Variants in EIF3CL observed in about 807,000 individuals in gnomAD.
EIF3CL encodes eukaryotic translation initiation factor 3 subunit C like, also known as eukaryotic translation initiation factor 3 subunit C-like protein.
For missense variants in EIF3CL, 5 were observed against 56.1 expected, an observed-to-expected ratio of 0.09 and a Z score of 2.91; for synonymous variants, 2 against 19.6, an observed-to-expected ratio of 0.10 and a Z score of 2.37.
chr16:28,422,628 T>C, the EIF3CL span, among the ~76,000 whole-genome samples: 2 of 141,754 alleles, frequency 1.4e-5, no homozygotes, highest in Non-Finnish European at 3.1e-5. Flanking sequence ...AGGTCAGGAG[T>C]TCGAGACCAG....
At chr16:28,415,810 C>T in the EIF3CL span, among the ~76,000 whole-genome samples, 4 of 76,470 alleles carry the variant, frequency 5.2e-5, 1 homozygote, top group South Asian at 3.2e-4. Flanking sequence ...CTCTCCCTCT[C>T]CCTCTTCCTC....
the EIF3CL span, among the ~76,000 whole-genome samples, chr16:28,417,188 G>A: frequency 1.2e-4 from 17 of 146,652 alleles, no homozygotes; most frequent in Admixed American, 2.0e-4. Context: ...CCGGGAGGGA[G>A]GTGGGGGGGG....
the EIF3CL span, chr16:28,413,989 C>CA: frequency 2.2e-6 from 1 of 456,116 alleles, no homozygotes; most frequent in African/African-American, 3.3e-5. Flanking sequence ...CTGGAGGTGT[C>CA]AGAGGGTGCC....
chr16:28,417,055 G>A, the EIF3CL span, among the ~76,000 whole-genome samples: 1 of 196 alleles, frequency 5.1e-3, no homozygotes, highest in African/African-American at 0.022. Flanking sequence ...GCCCCGCCCG[G>A]GAGGTGAGGG....
the EIF3CL span, among the ~76,000 whole-genome samples, chr16:28,418,928 C>G: frequency 1.4e-5 from 2 of 147,416 alleles, no homozygotes; most frequent in Admixed American, 1.4e-4. Flanking sequence ...CCCCACCTGG[C>G]CCCTTGCAAG....
At chr16:28,393,186 GTTAAA>G (rs2045647901) in intron 8 of EIF3CL, among the ~76,000 whole-genome samples, 1 of 39,080 alleles carries the variant, frequency 2.6e-5, no homozygotes. Context: ...AAGTTTACCA[GTTAAA>G]TTAAGTCTTC....
intron 2 of EIF3CL, among the ~76,000 whole-genome samples, chr16:28,403,316 T>C (rs1057501267): frequency 1.7e-5 from 1 of 59,392 alleles, no homozygotes; most frequent in African/African-American, 5.5e-5. Flanking sequence ...TTCTATCCCT[T>C]GTGCCTGGTG....
At chr16:28,417,180 G>A in the EIF3CL span, among the ~76,000 whole-genome samples, 6,030 of 142,308 alleles carry the variant, frequency 0.042, 15 homozygotes, top group African/African-American at 0.16. Context: ...CGCCCCGTCC[G>A]GGAGGGAGGT....
chr16:28,418,841 G>T, the EIF3CL span, among the ~76,000 whole-genome samples: 2 of 140,898 alleles, frequency 1.4e-5, no homozygotes, highest in Non-Finnish European at 3.1e-5. Context: ...TGTTGCCCAG[G>T]TTGGTCTCGA....
the EIF3CL span, among the ~76,000 whole-genome samples, chr16:28,417,917 C>T: frequency 1.5e-5 from 2 of 133,942 alleles, no homozygotes; most frequent in African/African-American, 2.7e-5. Flanking sequence ...GTGGCGCATG[C>T]CTGTAATCCT....
chr16:28,417,822 A>T, the EIF3CL span, among the ~76,000 whole-genome samples: 4 of 145,978 alleles, frequency 2.7e-5, no homozygotes, highest in Non-Finnish European at 6.1e-5. Context: ...ATAAAAAAAT[A>T]AATTTAAAAA....
chr16:28,414,767 G>C, the EIF3CL span: 2 of 430,682 alleles, frequency 4.6e-6, no homozygotes, highest in East Asian at 1.3e-4. Context: ...AAGCAGCTTG[G>C]CCCTGGTGGC....
At chr16:28,385,318 T>C (rs2045594921) in intron 15 of EIF3CL, among the ~76,000 whole-genome samples, 2 of 131,380 alleles carry the variant, frequency 1.5e-5, no homozygotes, top group Non-Finnish European at 3.4e-5. Context: ...ATGAATAGAA[T>C]GAAGGAGAAG....
the EIF3CL span, among the ~76,000 whole-genome samples, chr16:28,419,331 G>A: frequency 6.6e-6 from 1 of 150,678 alleles, no homozygotes; most frequent in Non-Finnish European, 1.5e-5. Flanking sequence ...TTGACAGGAA[G>A]TGGAAGTTAC....
chr16:28,422,612 T>A, the EIF3CL span, among the ~76,000 whole-genome samples: 1 of 142,580 alleles, frequency 7.0e-6, no homozygotes, highest in Non-Finnish European at 1.5e-5. Context: ...GCAGGTGGAT[T>A]ACCTGAGGTC....
the EIF3CL span, among the ~76,000 whole-genome samples, chr16:28,415,208 A>C: frequency 1.0e-5 from 1 of 95,470 alleles, no homozygotes; most frequent in Non-Finnish European, 2.0e-5. Context: ...ACTCTCCAGC[A>C]CCCATTCAAG....
the EIF3CL span, among the ~76,000 whole-genome samples, chr16:28,418,024 C>G: frequency 1.4e-5 from 2 of 141,312 alleles, no homozygotes; most frequent in African/African-American, 2.6e-5. Context: ...GACTGGGCAA[C>G]AGGAGTGAGA....
At chr16:28,424,021 T>A in the EIF3CL span, among the ~76,000 whole-genome samples, 1 of 140,304 alleles carries the variant, frequency 7.1e-6, no homozygotes, top group Non-Finnish European at 1.5e-5. Flanking sequence ...GGAGTCTCAC[T>A]CTGTTGCCCA....
chr16:28,418,861 G>A, the EIF3CL span, among the ~76,000 whole-genome samples: 14 of 139,464 alleles, frequency 1.0e-4, no homozygotes, highest in East Asian at 6.8e-4. Context: ...AACTCCTGAC[G>A]TCAGGTGATC....
Sources: gnomAD v4.1 joint callset for allele counts (sites outside exome capture counted in the v4.1 genomes callset) on GRCh38, gnomAD v4.1.1 for gene constraint, MANE v1.5 for transcripts, NCBI Gene and HGNC (gene_info 2026-07-23, HGNC 2026-07-21) for gene names.